Variants in ZNF680 observed in about 807,000 individuals in gnomAD.
ZNF680 encodes hypothetical protein FLJ90430.
A neutral mutation model predicts 12.1 loss-of-function variants in ZNF680; 6 were observed. The ratio of observed to expected loss-of-function variants is 0.49; its 90% CI spans 0.27 to 0.98. The LOEUF (loss-of-function observed/expected upper bound fraction) is 0.98. Ranked by LOEUF, ZNF680 falls within the 50% of genes least tolerant of loss-of-function variation. ZNF680 has a pLI of 0.12. For missense variants in ZNF680, 561 were observed against 616.3 expected (o/e 0.91, Z 0.95); for synonymous variants, 170 against 199.3 (o/e 0.85, Z 1.24).
At chr7:64,508,123 G>GTATA in the ZNF680 span, among the ~76,000 whole-genome samples, 196 of 117,646 alleles carry the variant, frequency 1.7e-3, 9 homozygotes, top group African/African-American at 5.2e-3. Flanking sequence ...ATTTTAAAAT[G>GTATA]TATATATATA....
chr7:64,510,125 C>T, the ZNF680 span, among the ~76,000 whole-genome samples: 3 of 150,644 alleles, frequency 2.0e-5, no homozygotes, highest in South Asian at 6.3e-4. Flanking sequence ...AACAAAAAAG[C>T]CCCAAGGAAA....
chr7:64,539,130 CAAAAAA>C (rs529165573), intron 3 of ZNF680, among the ~76,000 whole-genome samples: 1 of 77,696 alleles, frequency 1.3e-5, no homozygotes, highest in Non-Finnish European at 2.4e-5. Context: ...GACTCCATCT[CAAAAAA>C]AAAAAAAAAA....
At chr7:64,525,241 A>G (rs907248140) in intron 3 of ZNF680, 1 of 152,200 alleles carries the variant, frequency 6.6e-6, no homozygotes, top group African/African-American at 2.4e-5. Context: ...AAACTTACAC[A>G]TATATGATCA....
rs957034880 is a variant in ZNF680 at position 64,563,035 on chromosome 7, A to T, written c.-81T>A. 5.2e-6 allele frequency: 8 copies of T among 1,545,220 alleles called. No homozygotes were observed. Among genetic ancestry groups the T allele is most frequent in the Middle Eastern group, 3.4e-4 (2 of 5,898 alleles). On this transcript the variant is annotated 5_prime_UTR_variant, in exon 1 of 4. Coordinates refer to ENST00000309683, the MANE Select transcript of ZNF680 (RefSeq NM_178558.5). ...CTAGGAGCAGAATACACAGAGCAGT[A>T]AAGACTAGACCTGGAGCTCCCGCAG...
intron 3 of ZNF680, among the ~76,000 whole-genome samples, chr7:64,530,906 A>G (rs944853386): frequency 7.3e-5 from 11 of 150,462 alleles, no homozygotes; most frequent in African/African-American, 2.7e-4. Context: ...AATAATAATA[A>G]TAATAAAAGG....
At chr7:64,550,354 A>G (rs1274198851) in intron 1 of ZNF680, among the ~76,000 whole-genome samples, 1 of 152,228 alleles carries the variant, frequency 6.6e-6, no homozygotes, top group Non-Finnish European at 1.5e-5. Context: ...GAAGAAAGAC[A>G]TAACTGTGGT....
chr7:64,554,067 C>A (rs1474866689), intron 1 of ZNF680, among the ~76,000 whole-genome samples: 1 of 149,760 alleles, frequency 6.7e-6, no homozygotes, highest in African/African-American at 2.5e-5. Context: ...TGTGAGGAGC[C>A]CCTCTGCCCG....
chr7:64,559,196 GTTCCCAGC>G, intron 1 of ZNF680, among the ~76,000 whole-genome samples: 1 of 152,284 alleles, frequency 6.6e-6, no homozygotes, highest in Non-Finnish European at 1.5e-5. Context: ...GCATGACCCA[GTTCCCAGC>G]TTTACTTTTG....
At chr7:64,544,580 A>G in intron 1 of ZNF680, 148 bp from the exon 2 acceptor site, 1 of 1,346,132 alleles carries the variant, frequency 7.4e-7, no homozygotes, top group Non-Finnish European at 9.7e-7. Context: ...AAATTATACA[A>G]TAAAATAAAT....
chr7:64,507,268 T>C, the ZNF680 span, among the ~76,000 whole-genome samples: 3 of 152,048 alleles, frequency 2.0e-5, no homozygotes, highest in African/African-American at 4.8e-5. Context: ...AGTGGAGTAA[T>C]GGTTACCAGA....
the ZNF680 span, among the ~76,000 whole-genome samples, chr7:64,504,239 TTCCGTTTATA>T: frequency 3.9e-5 from 6 of 152,316 alleles, no homozygotes; most frequent in East Asian, 1.2e-3. Context: ...CAATGCCTTC[TTCCGTTTATA>T]TCAGTGGAAA....
In ZNF680 at chr7:64,522,425, C is replaced by G; in HGVS notation, c.329G>C (p.Arg110Thr). 1 of 1,604,766 alleles carries G rather than the reference C, an allele frequency of 6.2e-7. No individual in the cohort carries two copies. Among genetic ancestry groups the G allele is most frequent in the Non-Finnish European group, 8.5e-7 (1 of 1,176,712 alleles). The change falls in exon 4 of 4, where the codon AGA (arginine) becomes ACA (threonine). Residue 110 changes from arginine to threonine, a missense_variant. Transcript: ENST00000309683. ...IKDSFQKVIL[R>T]GYGKCGHENL... ...CTCATGTCCACATTTTCCATATCCT[C>G]TCAGTATCACTTTTTGAAAAGAATC...
chr7:64,532,550 AAAG>A (rs1480669033), intron 3 of ZNF680, among the ~76,000 whole-genome samples: 1 of 152,156 alleles, frequency 6.6e-6, no homozygotes, highest in Non-Finnish European at 1.5e-5. Context: ...ACCAACAAAA[AAAG>A]TCCAAGACCA....
chr7:64,517,929 T>C (rs1791387167), downstream of ZNF680, among the ~76,000 whole-genome samples: 1 of 152,060 alleles, frequency 6.6e-6, no homozygotes, highest in East Asian at 1.9e-4. Context: ...ACAAAGGACA[T>C]ATCTCAATGT....
At chr7:64,540,716 C>G (rs1017228069) in intron 3 of ZNF680, among the ~76,000 whole-genome samples, 1 of 152,024 alleles carries the variant, frequency 6.6e-6, no homozygotes, top group Non-Finnish European at 1.5e-5. Flanking sequence ...TTAAAAAGTA[C>G]ACTAAATAAA....
intron 1 of ZNF680, among the ~76,000 whole-genome samples, chr7:64,552,727 T>C (rs1482867817): frequency 2.6e-5 from 4 of 152,268 alleles, no homozygotes; most frequent in Non-Finnish European, 4.4e-5. Flanking sequence ...TAAAACACTT[T>C]ATATTTAAAA....
rs368369052 is a variant in ZNF680 at position 64,530,874 on chromosome 7, AAAT to A, written c.254-8377_254-8375del. ...CTCCATCTCAAAAAAAAAAATTTAA[AAAT>A]AATAATAATAATAATAGTAATAATA... On this transcript the variant is annotated intron_variant, in intron 3 of 3. Transcript: ENST00000309683. 4.5e-3 allele frequency among the ~76,000 whole-genome samples: 665 copies of A among 147,386 alleles called. 11 individuals are homozygous for A. The highest frequency in any genetic ancestry group is 0.015 in the African/African-American group (615 of 40,762).
intron 1 of ZNF680, among the ~76,000 whole-genome samples, chr7:64,553,106 C>T (rs1274465618): frequency 9.1e-6 from 1 of 110,254 alleles, no homozygotes; most frequent in African/African-American, 3.5e-5. Context: ...GCCTGGGGGA[C>T]AAAGTAACAC....
At chr7:64,500,979 T>C in the ZNF680 span, 2 of 667,674 alleles carry the variant, frequency 3.0e-6, no homozygotes, top group Non-Finnish European at 2.8e-6. Context: ...CATAAGGGCT[T>C]TGCCTTTGTT....
Sources: allele counts gnomAD v4.1 joint callset (sites outside exome capture counted in the v4.1 genomes callset), GRCh38; gene constraint gnomAD v4.1.1; transcripts MANE v1.5; gene names NCBI Gene and HGNC (gene_info 2026-07-23, HGNC 2026-07-21).